COLGALT2: variants seen among roughly 807,000 people sequenced by gnomAD.
The protein encoded by COLGALT2 is procollagen galactosyltransferase 2.
In COLGALT2, 49 loss-of-function variants were observed where a neutral mutation model predicts 73.4. The ratio of observed to expected loss-of-function variants is 0.67; its 90% CI spans 0.53 to 0.85. The LOEUF is 0.85. COLGALT2 is among the 40% of genes least tolerant of loss of function. The probability of loss-of-function intolerance (pLI) is 0.00; values close to 1 mark genes in which losing one functional copy is unlikely to be tolerated. For missense variants in COLGALT2, 722 were observed against 790.2 expected (o/e 0.91, Z 1.03); for synonymous variants, 295 against 307.6 (o/e 0.96, Z 0.43).
chr1:184,025,722 A>C (rs538306974), intron 1 of COLGALT2, among the ~76,000 whole-genome samples: 3 of 152,356 alleles, frequency 2.0e-5, no homozygotes, highest in African/African-American at 7.2e-5. Context: ...CAAGGAGACA[A>C]CACTCTTAGC....
chr1:183,965,816 C>G (rs1033961193), intron 5 of COLGALT2, among the ~76,000 whole-genome samples: 2 of 151,954 alleles, frequency 1.3e-5, no homozygotes, highest in African/African-American at 4.8e-5. Context: ...CTAATCATAG[C>G]CTATGAATGA....
intron 1 of COLGALT2, among the ~76,000 whole-genome samples, chr1:183,979,816 A>G (rs755628266): frequency 6.6e-6 from 1 of 152,110 alleles, no homozygotes; most frequent in Non-Finnish European, 1.5e-5. Flanking sequence ...TCTGTACAAC[A>G]TACTAATAGA....
At chr1:183,967,867 T>C (rs80155726) in intron 5 of COLGALT2, among the ~76,000 whole-genome samples, 3 of 152,158 alleles carry the variant, frequency 2.0e-5, no homozygotes, top group East Asian at 1.9e-4. Flanking sequence ...CTTCCAATCA[T>C]ATGAGGATTG....
chr1:183,934,910 G>C (rs1669915763), downstream of COLGALT2, among the ~76,000 whole-genome samples: 1 of 152,192 alleles, frequency 6.6e-6, no homozygotes, highest in African/African-American at 2.4e-5. Flanking sequence ...TGGGCTCTGT[G>C]CTTATGATGA....
chr1:184,016,362 T>C (rs1648999677), intron 1 of COLGALT2, among the ~76,000 whole-genome samples: 1 of 152,350 alleles, frequency 6.6e-6, no homozygotes. Context: ...TAAAATACTA[T>C]GTATAACTAC....
At chr1:183,972,994 T>C (rs1307663026) in intron 4 of COLGALT2, among the ~76,000 whole-genome samples, 2 of 152,222 alleles carry the variant, frequency 1.3e-5, no homozygotes, top group East Asian at 3.8e-4. Flanking sequence ...CCACCGCGCC[T>C]GGCATATTTG....
At chr1:184,003,016 CTAAA>C (rs1384473703) in intron 1 of COLGALT2, among the ~76,000 whole-genome samples, 2 of 151,930 alleles carry the variant, frequency 1.3e-5, no homozygotes, top group East Asian at 3.9e-4. Context: ...TGGAAACAAA[CTAAA>C]TATTCAACAG....
chr1:183,967,274 C>T (rs1383261880), intron 5 of COLGALT2, among the ~76,000 whole-genome samples: 1 of 152,266 alleles, frequency 6.6e-6, no homozygotes, highest in African/African-American at 2.4e-5. Context: ...TTAGCTTTCA[C>T]TGCTTCATGA....
chr1:183,978,043 A>G (rs1168750856), intron 2 of COLGALT2, among the ~76,000 whole-genome samples: 1 of 152,176 alleles, frequency 6.6e-6, no homozygotes, highest in Non-Finnish European at 1.5e-5. Flanking sequence ...AATGATTATC[A>G]AGATAAAAGT....
intron 2 of COLGALT2, among the ~76,000 whole-genome samples, chr1:183,977,721 C>T (rs953259169): frequency 1.3e-5 from 2 of 151,096 alleles, no homozygotes; most frequent in African/African-American, 4.9e-5. Context: ...CCCAGGAGTA[C>T]GAGGTTACAG....
At position 183,939,014 on chromosome 1, in the gene COLGALT2, T is replaced by C. The variant is rs758929183; in HGVS notation, c.1628A>G (p.Glu543Gly). 35 of 1,613,452 alleles carry C rather than the reference T, an allele frequency of 2.2e-5. 1 individual carries two copies. In the South Asian group the frequency reaches 3.7e-4, roughly 17 times the overall value. The change falls in exon 12 of 12, where the codon GAA (glutamate) becomes GGA (glycine). Residue 543 changes from glutamate to glycine, a missense_variant. Transcript: ENST00000361927. ...HPVAEYKEYY[E>G]SRDLKAFSAE... ...AGAGAAGGCTTTCAGGTCCCTGGAT[T>C]CATAATACTCCTTGTACTCGGCTCT...
Position 183,936,385 on chromosome 1 carries a change from G to A in COLGALT2, c.*2376C>T, listed in dbSNP as rs1168324612. 2.0e-6 allele frequency: 2 copies of A among 985,866 alleles called. No individual in the cohort carries two copies. Among genetic ancestry groups the A allele is most frequent in the African/African-American group, 1.7e-5 (1 of 57,232 alleles). The allele number at this position is 985,866 out of a possible 1,614,324, so 61.1% of individuals were successfully genotyped here. A position where few individuals can be genotyped will look rare whatever the true frequency, so the allele number is the denominator to read the frequency against. ...CTGCTTGGGATTCTAGACCTGAGCA[G>A]GGAGAAACAAACCGGGCTAAAGGAG... is the stretch of plus-strand genomic sequence containing the variant. On this transcript the variant is annotated 3_prime_UTR_variant, in exon 12 of 12. Transcript: ENST00000361927.
chr1:183,953,244 G>A lies in COLGALT2; in HGVS notation c.1029+1518C>T, dbSNP rs150309955. Among the ~76,000 whole-genome samples the A allele has an allele frequency of 2.4e-3, 362 of 152,266 alleles. 1 individual carries two copies. Among genetic ancestry groups the A allele is most frequent in the African/African-American group, 8.4e-3 (348 of 41,550 alleles). On this transcript the variant is annotated intron_variant, in intron 7 of 11. Transcript: ENST00000361927. ...CACCAGTGAGGTCACAGAGTCCGAGGAGGATTGAAAAGCCCCTGAAAAGCC... is the reference window on the plus strand; with the variant it reads ...CACCAGTGAGGTCACAGAGTCCGAGAAGGATTGAAAAGCCCCTGAAAAGCC...
At chr1:184,021,209 C>T (rs1042977879) in intron 1 of COLGALT2, among the ~76,000 whole-genome samples, 1 of 152,128 alleles carries the variant, frequency 6.6e-6, no homozygotes, top group African/African-American at 2.4e-5. Context: ...TTTTTATACA[C>T]TACTTCAACA....
In COLGALT2 at chr1:183,982,355, T is replaced by G. The variant is rs539464020; in HGVS notation, c.264-3835A>C. Among the ~76,000 whole-genome samples, 7 of 152,300 alleles carry G rather than the reference T, an allele frequency of 4.6e-5. No homozygotes were observed. The East Asian group carries it at 7.7e-4, about 17-fold the overall frequency. ...TGTGATTGTGCCAAAAAGTGCAACGTCAGCAAAAGTCACATCCTTTGTGAC... is the reference window on the plus strand; with the variant it reads ...TGTGATTGTGCCAAAAAGTGCAACGGCAGCAAAAGTCACATCCTTTGTGAC... On this transcript the variant is annotated intron_variant, in intron 1 of 11. Transcript: ENST00000361927.
chr1:184,000,676 C>T (rs1428816952), intron 1 of COLGALT2, among the ~76,000 whole-genome samples: 1 of 151,812 alleles, frequency 6.6e-6, no homozygotes, highest in Non-Finnish European at 1.5e-5. Context: ...TACCTTTTCC[C>T]TGAAGTACAT....
chr1:183,945,848 G>A (rs1474845727), intron 8 of COLGALT2: 1 of 395,200 alleles, frequency 2.5e-6, no homozygotes, highest in African/African-American at 2.0e-5. Context: ...ACACTCCTAT[G>A]GAAATTAGTT....
chr1:183,940,294 A>G (rs1001361295), intron 11 of COLGALT2, among the ~76,000 whole-genome samples: 3 of 152,192 alleles, frequency 2.0e-5, no homozygotes, highest in Admixed American at 2.0e-4. Flanking sequence ...AGGTTATGGA[A>G]ATAAGAAGAG....
intron 1 of COLGALT2, among the ~76,000 whole-genome samples, chr1:184,009,625 G>C (rs2102845936): frequency 6.6e-6 from 1 of 152,242 alleles, no homozygotes; most frequent in East Asian, 1.9e-4. Context: ...ATTATGAGTA[G>C]ATCATCTTGG....
Sources: allele counts gnomAD v4.1 joint callset (sites outside exome capture counted in the v4.1 genomes callset), GRCh38; gene constraint gnomAD v4.1.1; transcripts MANE v1.5; gene names NCBI Gene and HGNC (gene_info 2026-07-23, HGNC 2026-07-21).